Variants in CLK1 observed in about 807,000 individuals in gnomAD.
CLK1 encodes the protein CDC like kinase 1, also known as dual specificity protein kinase CLK1.
In CLK1, 40 loss-of-function variants were observed where a neutral mutation model predicts 60.9. That is an observed-to-expected ratio of 0.66 (90% confidence interval 0.51 to 0.86). CLK1 has a LOEUF of 0.86. Among genes scored for constraint, CLK1 ranks in the 40% least tolerant of loss-of-function variants. The pLI, the probability that CLK1 is intolerant of heterozygous loss-of-function variation, is 0.00. For synonymous variants in CLK1, 203 were observed against 184.4 expected, an observed-to-expected ratio of 1.10 and a Z score of -0.82; for missense variants, 563 against 606.1, an observed-to-expected ratio of 0.93 and a Z score of 0.75.
At position 200,853,984 on chromosome 2, in the gene CLK1, T is replaced by C; in HGVS notation, c.1230A>G (p.Lys410=). The change falls in exon 12 of 13, where the codon AAA becomes AAG. Residue 410 remains lysine, a synonymous_variant. Coordinates refer to ENST00000321356, the MANE Select transcript of CLK1 (RefSeq NM_004071.4). The part of the protein sequence containing the change: ...KHMIQKTRKR[K]YFHHDRLDWD... ...AGTCTAATCGATCGTGGTGAAAATA[T>C]TTACGTTTCCTAAAAATAAGTCAAT... 6.2e-7 allele frequency: 1 copy of C among 1,609,060 alleles called. No homozygotes were observed. Among genetic ancestry groups the C allele is most frequent in the South Asian group, 1.1e-5 (1 of 90,458 alleles).
At chr2:200,853,739 T>C (rs1425319476) in intron 12 of CLK1, among the ~76,000 whole-genome samples, 164 bp downstream of exon 12, 1 of 146,700 alleles carries the variant, frequency 6.8e-6, no homozygotes, top group Non-Finnish European at 1.5e-5. Flanking sequence ...CCCAGCTACT[T>C]GGGAGGCTGA....
At chr2:200,862,741 A>C (rs749872153) in intron 1 of CLK1, among the ~76,000 whole-genome samples, 1 of 152,230 alleles carries the variant, frequency 6.6e-6, no homozygotes, top group Non-Finnish European at 1.5e-5. Flanking sequence ...GCAATCATAA[A>C]TGTTCCTCAC....
intron 10 of CLK1, 117 bp downstream of exon 10, chr2:200,854,882 ATTAGT>A (rs1430777618): frequency 1.4e-5 from 11 of 802,792 alleles, no homozygotes; most frequent in Non-Finnish European, 2.2e-5. Context: ...AGAAATATGA[ATTAGT>A]TTATTTATGC....
intron 1 of CLK1, among the ~76,000 whole-genome samples, chr2:200,863,540 A>T (rs1358244267): frequency 2.6e-5 from 4 of 151,954 alleles, no homozygotes; most frequent in African/African-American, 4.8e-5. Flanking sequence ...CCGGGGCGAC[A>T]GGGGCGAGAC....
chr2:200,858,375 G>A (rs1472683057), intron 5 of CLK1, among the ~76,000 whole-genome samples: 1 of 152,200 alleles, frequency 6.6e-6, no homozygotes, highest in African/African-American at 2.4e-5. Flanking sequence ...GTTGCCAAAA[G>A]AGTTAGGATA....
At chr2:200,853,810 A>T in intron 12 of CLK1, 93 bp downstream of exon 12, 1 of 959,404 alleles carries the variant, frequency 1.0e-6, no homozygotes, top group South Asian at 1.6e-5. Flanking sequence ...GTGCCACTCT[A>T]CTCCAGCCTG....
intron 7 of CLK1, chr2:200,857,467 T>G (rs1385163607): frequency 2.9e-6 from 1 of 347,254 alleles, no homozygotes; most frequent in African/African-American, 2.1e-5. Flanking sequence ...GCATTCGAAG[T>G]TACTATTTTT....
chr2:200,858,494 C>T (rs1274907677), intron 5 of CLK1, among the ~76,000 whole-genome samples: 1 of 152,012 alleles, frequency 6.6e-6, no homozygotes, highest in Non-Finnish European at 1.5e-5. Context: ...GTCAGAAGTT[C>T]GAGACCAGCC....
At chr2:200,861,128 CTGAGA>C in intron 3 of CLK1, 105 bp downstream of exon 3, 1 of 1,509,696 alleles carries the variant, frequency 6.6e-7, no homozygotes, top group East Asian at 2.3e-5. Context: ...CAGGTTAAAA[CTGAGA>C]TGATTTCATC....
chr2:200,853,560 G>C, intron 12 of CLK1, 111 bp from the exon 13 acceptor site: 1 of 1,032,074 alleles, frequency 9.7e-7, no homozygotes, highest in Non-Finnish European at 1.4e-6. Context: ...CAGAAAAGAG[G>C]CCAGGCATGG....
At chr2:200,860,671 T>C (rs1346237147) in intron 3 of CLK1, 3 of 996,362 alleles carry the variant, frequency 3.0e-6, no homozygotes, top group Non-Finnish European at 3.6e-6. Flanking sequence ...GTAAATAAAA[T>C]TAAAGTGCTA....
At chr2:200,861,107 A>G (rs1175849918) in intron 3 of CLK1, 131 bp downstream of exon 3, 1 of 1,471,782 alleles carries the variant, frequency 6.8e-7, no homozygotes, top group Non-Finnish European at 8.9e-7. Flanking sequence ...ACAAACACAG[A>G]AAAAATCCTG....
At position 200,854,648 on chromosome 2, in the gene CLK1, T is replaced by A. The variant is rs772148575; in HGVS notation, c.1188A>T (p.Gly396=). 4.4e-6 allele frequency: 7 copies of A among 1,608,374 alleles called. No individual in the cohort carries two copies. Among genetic ancestry groups the A allele is most frequent in the Non-Finnish European group, 6.0e-6 (7 of 1,174,924 alleles). The change falls in exon 11 of 13, where the codon GGA becomes GGT. Residue 396 remains glycine, a synonymous_variant. Coordinates refer to ENST00000321356, the MANE Select transcript of CLK1 (RefSeq NM_004071.4). ...EHLAMMERIL[G]PLPKHMIQKT... ...TCTGTATCATATGTTTTGGTAGAGG[T>A]CCAAGAATCCTTTCCATCATTGCTA...
intron 9 of CLK1, 127 bp from the exon 10 acceptor site, chr2:200,855,213 C>CGA: frequency 1.5e-6 from 1 of 648,314 alleles, no homozygotes; most frequent in Admixed American, 3.2e-5. Context: ...CAGTGGCTCA[C>CGA]ACCTGTAATC....
At chr2:200,855,628 C>CA (rs1014625362) in intron 9 of CLK1, among the ~76,000 whole-genome samples, 6 of 148,918 alleles carry the variant, frequency 4.0e-5, no homozygotes, top group African/African-American at 1.5e-4. Flanking sequence ...CCGCCCCCCC[C>CA]CCAAAAAATT....
At chr2:200,860,732 T>A in intron 3 of CLK1, 1 of 999,238 alleles carries the variant, frequency 1.0e-6, no homozygotes. Flanking sequence ...ACGGCATTTT[T>A]AATGTCATCT....
intron 1 of CLK1, chr2:200,864,344 A>G (rs1224517154): frequency 7.1e-6 from 9 of 1,274,978 alleles, no homozygotes; most frequent in Non-Finnish European, 9.3e-6. Context: ...CCTAGCAAAC[A>G]CCGTAACTAC....
chr2:200,857,087 C>T (rs2039055961), intron 7 of CLK1, 102 bp from the exon 8 acceptor site: 3 of 868,988 alleles, frequency 3.5e-6, no homozygotes, highest in Non-Finnish European at 5.5e-6. Flanking sequence ...CCTGTAATCA[C>T]CTGAGGTCAG....
rs755632239 is a variant in CLK1 at position 200,854,598 on chromosome 2, C to T, written c.1220+18G>A. ...TGATCAAATGATACTAAGGATGTCA[C>T]TAACTCTTAAAACGTACCTGGTTTT... On this transcript the variant is annotated intron_variant, in intron 11 of 12. Coordinates refer to ENST00000321356, the MANE Select transcript of CLK1 (RefSeq NM_004071.4). 1.3e-6 allele frequency: 2 copies of T among 1,481,618 alleles called. No homozygotes were observed. 91.8% of individuals were successfully genotyped at this position (1,481,618 alleles called of 1,614,324 possible). A position where few individuals can be genotyped will look rare whatever the true frequency, so the allele number is the denominator to read the frequency against.
Sources: allele counts gnomAD v4.1 joint callset (sites outside exome capture counted in the v4.1 genomes callset), GRCh38; gene constraint gnomAD v4.1.1; transcripts MANE v1.5; gene names NCBI Gene and HGNC (gene_info 2026-07-23, HGNC 2026-07-21).